TMEM132D: variants seen among roughly 807,000 people sequenced by gnomAD.
TMEM132D encodes the protein mature OL transmembrane protein.
TMEM132D carries 21 observed loss-of-function variants against 62.3 expected under a neutral mutation model. That is an observed-to-expected ratio of 0.34 (90% CI 0.24 to 0.49). The LOEUF is 0.49. TMEM132D is among the 20% of genes least tolerant of loss of function. The pLI, the probability that TMEM132D is intolerant of heterozygous loss-of-function variation, is 0.99. For synonymous variants in TMEM132D, 621 were observed against 575.6 expected (o/e 1.08, Z -1.13); for missense variants, 1,346 against 1,402.8 (o/e 0.96, Z 0.65).
chr12:129,666,139 C>G (rs1298216402), intron 2 of TMEM132D, among the ~76,000 whole-genome samples: 1 of 152,172 alleles, frequency 6.6e-6, no homozygotes, highest in East Asian at 1.9e-4. Context: ...AAATGGCACC[C>G]TTAATTTTGG....
chr12:129,586,579 G>C (rs1358133179), intron 2 of TMEM132D, among the ~76,000 whole-genome samples: 1 of 152,142 alleles, frequency 6.6e-6, no homozygotes, highest in Non-Finnish European at 1.5e-5. Flanking sequence ...CTCATTGAAT[G>C]CTCATGTGGC....
chr12:129,828,773 A>AG (rs1164112811), intron 1 of TMEM132D, among the ~76,000 whole-genome samples: 1 of 91,164 alleles, frequency 1.1e-5, no homozygotes, highest in African/African-American at 3.9e-5. Flanking sequence ...GGAGGGAGGG[A>AG]GGAAGAAAAG....
chr12:129,741,645 G>A (rs1869613165), intron 1 of TMEM132D, among the ~76,000 whole-genome samples: 1 of 152,162 alleles, frequency 6.6e-6, no homozygotes, highest in Admixed American at 6.5e-5. Context: ...CATACGTTCT[G>A]CAAGATGGCA....
intron 4 of TMEM132D, among the ~76,000 whole-genome samples, chr12:129,301,100 G>A (rs1339195041): frequency 6.6e-6 from 1 of 152,130 alleles, no homozygotes; most frequent in African/African-American, 2.4e-5. Flanking sequence ...GGTTTAGGAT[G>A]CAAACACTTT....
At chr12:129,757,359 G>T (rs1161386258) in intron 1 of TMEM132D, among the ~76,000 whole-genome samples, 2 of 152,008 alleles carry the variant, frequency 1.3e-5, no homozygotes, top group East Asian at 3.9e-4. Flanking sequence ...TTTGCAGAGG[G>T]GTCATTGCTT....
At chr12:129,215,587 A>C (rs1418903947) in intron 4 of TMEM132D, among the ~76,000 whole-genome samples, 1 of 152,212 alleles carries the variant, frequency 6.6e-6, no homozygotes, top group Non-Finnish European at 1.5e-5. Flanking sequence ...ATAATGTTGG[A>C]GTTAAACCGC....
chr12:129,894,323 T>C (rs964719656), intron 1 of TMEM132D, among the ~76,000 whole-genome samples: 1 of 152,166 alleles, frequency 6.6e-6, no homozygotes, highest in Non-Finnish European at 1.5e-5. Flanking sequence ...ATGATTCAAT[T>C]ATCTCCACCT....
chr12:129,565,427 G>T (rs1055398041), intron 2 of TMEM132D, among the ~76,000 whole-genome samples: 1 of 152,230 alleles, frequency 6.6e-6, no homozygotes, highest in Non-Finnish European at 1.5e-5. Context: ...CAAAGAGTCT[G>T]TTGGTCAGTC....
chr12:129,903,155 T>G lies in TMEM132D; in HGVS notation c.79+106A>C. The G allele has an allele frequency of 8.3e-7, 1 of 1,203,378 alleles. No individual in the cohort carries two copies. Among genetic ancestry groups the G allele is most frequent in the Non-Finnish European group, 1.2e-6 (1 of 843,940 alleles). The allele number at this position is 1,203,378 out of a possible 1,614,324, so 74.5% of individuals were successfully genotyped here. The stretch of plus-strand genomic sequence containing the variant: ...CATGCACACAAGCGCGCACACACAC[T>G]TGCACACGAGCCCTCTCTCCCGGCC... On this transcript the variant is annotated intron_variant, in intron 1 of 8. Coordinates refer to ENST00000422113, the MANE Select transcript of TMEM132D (RefSeq NM_133448.3). The surrounding 1 kb of genome is among the most constrained non-coding windows in gnomAD (Gnocchi z 6.2).
intron 3 of TMEM132D, among the ~76,000 whole-genome samples, chr12:129,509,442 G>A (rs1485874356): frequency 1.3e-5 from 2 of 152,024 alleles, no homozygotes; most frequent in Non-Finnish European, 2.9e-5. Flanking sequence ...AGAATAGGGT[G>A]TCCATCCCCT....
At chr12:129,486,932 A>G (rs1874598453) in intron 3 of TMEM132D, among the ~76,000 whole-genome samples, 1 of 152,154 alleles carries the variant, frequency 6.6e-6, no homozygotes, top group African/African-American at 2.4e-5. Context: ...GAATAAGCAA[A>G]CAAATAAGAA....
chr12:129,845,836 C>T (rs1466011517), intron 1 of TMEM132D, among the ~76,000 whole-genome samples: 1 of 152,212 alleles, frequency 6.6e-6, no homozygotes, highest in East Asian at 1.9e-4. Context: ...CTGCCCCTGG[C>T]AGAGCAGGGC....
At chr12:129,512,591 G>A (rs1311856893) in intron 3 of TMEM132D, among the ~76,000 whole-genome samples, 1 of 152,226 alleles carries the variant, frequency 6.6e-6, no homozygotes, top group African/African-American at 2.4e-5. Flanking sequence ...TTTGGGAGCA[G>A]CTTAGCTGGA....
At position 129,570,363 on chromosome 12, in the gene TMEM132D, T is replaced by C. The variant is rs547896541; in HGVS notation, c.969-39158A>G. ...GGTGCCACAAGGACATCTACCTTCA[T>C]GTAGTTTCATTCAAATAGATAGCCT... On this transcript the variant is annotated intron_variant, in intron 2 of 8. Coordinates refer to ENST00000422113, the MANE Select transcript of TMEM132D (RefSeq NM_133448.3). 3.9e-5 allele frequency among the ~76,000 whole-genome samples: 6 copies of C among 152,300 alleles called. No homozygotes were observed. The East Asian group carries it at 1.2e-3, about 29-fold the overall frequency.
chr12:129,227,136 G>A (rs1422342575), intron 4 of TMEM132D, among the ~76,000 whole-genome samples: 1 of 151,788 alleles, frequency 6.6e-6, no homozygotes, highest in Non-Finnish European at 1.5e-5. Context: ...TTTAAATTTA[G>A]TAAGCTGCTA....
intron 2 of TMEM132D, among the ~76,000 whole-genome samples, chr12:129,547,283 G>A (rs531748105): frequency 1.3e-5 from 2 of 152,240 alleles, no homozygotes; most frequent in Admixed American, 1.3e-4. Flanking sequence ...CTGTTGCCCA[G>A]CCTGGAGTGA....
chr12:129,903,160 C>A lies in TMEM132D; in HGVS notation c.79+101G>T. The A allele has an allele frequency of 8.0e-7, 1 of 1,252,462 alleles. No homozygotes were observed. The highest frequency in any genetic ancestry group is 1.1e-6 in the Non-Finnish European group (1 of 885,804). The allele number at this position is 1,252,462 out of a possible 1,614,324, so 77.6% of individuals were successfully genotyped here. A position where few individuals can be genotyped will look rare whatever the true frequency, so the allele number is the denominator to read the frequency against. The stretch of plus-strand genomic sequence containing the variant: ...ACACAAGCGCGCACACACACTTGCA[C>A]ACGAGCCCTCTCTCCCGGCCGCCCC... On this transcript the variant is annotated intron_variant, in intron 1 of 8. Transcript: ENST00000422113. The surrounding 1 kb of genome is among the most constrained non-coding windows in gnomAD (Gnocchi z 6.2).
At chr12:129,717,071 C>T (rs1868606770) in intron 1 of TMEM132D, among the ~76,000 whole-genome samples, 2 of 152,282 alleles carry the variant, frequency 1.3e-5, no homozygotes, top group Middle Eastern at 3.4e-3. Flanking sequence ...TCATGGCGAC[C>T]AGCACAGCTC....
chr12:129,648,430 T>C (rs944106236), intron 2 of TMEM132D, among the ~76,000 whole-genome samples: 1 of 152,154 alleles, frequency 6.6e-6, no homozygotes, highest in African/African-American at 2.4e-5. Context: ...TAAGTAATAA[T>C]AAAACTCCGG....
Sources: allele counts gnomAD v4.1 joint callset (sites outside exome capture counted in the v4.1 genomes callset), GRCh38; gene constraint gnomAD v4.1.1; non-coding constraint Gnocchi (gnomAD v3.1); transcripts MANE v1.5; gene names NCBI Gene and HGNC (gene_info 2026-07-23, HGNC 2026-07-21).